The following VPS53 variants were observed in gnomAD, a reference collection of about 807,000 sequenced individuals.
The protein encoded by VPS53 is VPS53 subunit of GARP complex.
VPS53 carries 70 observed loss-of-function variants against 107.0 expected under a neutral mutation model. The observed-to-expected ratio is 0.65, with a 90% CI of 0.54 to 0.80. The LOEUF is 0.80. VPS53 is among the 30% of genes least tolerant of loss of function. The pLI is 0.00. For missense variants in VPS53, 917 were observed against 1,049.4 expected (o/e 0.87, Z 1.74); for synonymous variants, 409 against 393.3 (o/e 1.04, Z -0.47).
intron 7 of VPS53, among the ~76,000 whole-genome samples, chr17:653,072 G>A (rs918831293): frequency 6.6e-6 from 1 of 152,218 alleles, no homozygotes; most frequent in African/African-American, 2.4e-5. Context: ...CGGATCTGCG[G>A]AATCCCCATA....
chr17:680,533 A>C (rs1972351232), intron 4 of VPS53, among the ~76,000 whole-genome samples: 1 of 151,978 alleles, frequency 6.6e-6, no homozygotes, highest in Admixed American at 6.6e-5. Flanking sequence ...ACATGAAAAA[A>C]CCCCTATGAC....
intron 12 of VPS53, among the ~76,000 whole-genome samples, chr17:592,572 T>C (rs1300955207): frequency 6.6e-6 from 1 of 152,200 alleles, no homozygotes; most frequent in African/African-American, 2.4e-5. Context: ...AGGAGCTCTT[T>C]TAGGGCAGGT....
chr17:711,159 G>A (rs1160301444), intron 1 of VPS53, among the ~76,000 whole-genome samples: 3 of 152,100 alleles, frequency 2.0e-5, no homozygotes, highest in East Asian at 1.9e-4. Flanking sequence ...GCAGTGAGCC[G>A]AGATTCTATC....
Position 520,867 on chromosome 17 carries a change from C to A in VPS53, c.2223+734G>T, listed in dbSNP as rs908962741. ...CTCACCTACATGAGCTCTTCACCCT[C>A]ACCTACATGAGCTCTTCACCCTTAC... is the stretch of plus-strand genomic sequence containing the variant. On this transcript the variant is annotated intron_variant, in intron 20 of 21. Transcript: ENST00000437048. This position sits in a 1 kb window ranked among gnomAD's most constrained non-coding sequence, Gnocchi z 4.4. 3.3e-5 allele frequency among the ~76,000 whole-genome samples: 5 copies of A among 150,430 alleles called. No homozygotes were observed. The highest frequency in any genetic ancestry group is 7.4e-5 in the Non-Finnish European group (5 of 67,834).
At chr17:693,495 G>A (rs1044566985) in intron 4 of VPS53, among the ~76,000 whole-genome samples, 1 of 152,190 alleles carries the variant, frequency 6.6e-6, no homozygotes, top group African/African-American at 2.4e-5. Flanking sequence ...CCCAAGGCAG[G>A]AGGATCACTT....
intron 4 of VPS53, among the ~76,000 whole-genome samples, chr17:693,302 T>A (rs1467671586): frequency 6.6e-6 from 1 of 152,226 alleles, no homozygotes; most frequent in Non-Finnish European, 1.5e-5. Flanking sequence ...TTACTGTGCC[T>A]AATTTGCATG....
At chr17:579,466 C>CACAG (rs1053281209) in intron 13 of VPS53, among the ~76,000 whole-genome samples, 2 of 150,944 alleles carry the variant, frequency 1.3e-5, no homozygotes, top group African/African-American at 4.9e-5. Flanking sequence ...AATGCGTTCC[C>CACAG]ACAGAACTTC....
rs1164072296 is a variant in VPS53 at position 517,499 on chromosome 17, T to C, written c.*1629A>G. On this transcript the variant is annotated 3_prime_UTR_variant, in exon 22 of 22. Transcript: ENST00000437048. ...TACTGTACGGCTGTTACAAGTTTTA[T>C]GGATTTTAAGGAAATTTCCTCTATC... 1 of 398,510 alleles carries C rather than the reference T, an allele frequency of 2.5e-6. No individual in the cohort carries two copies. Among genetic ancestry groups the C allele is most frequent in the African/African-American group, 2.1e-5 (1 of 48,626 alleles). The allele number at this position is 398,510 out of a possible 1,614,324, so 24.7% of individuals were successfully genotyped here. A position where few individuals can be genotyped will look rare whatever the true frequency, so the allele number is the denominator to read the frequency against.
intron 11 of VPS53, among the ~76,000 whole-genome samples, chr17:610,004 C>A (rs142921536): frequency 0.053 from 7,986 of 151,552 alleles, 285 homozygotes; most frequent in Middle Eastern, 0.15. Flanking sequence ...TGGTGGCGGG[C>A]GCCTGTAGTC....
intron 11 of VPS53, among the ~76,000 whole-genome samples, chr17:619,193 A>C (rs1319812002): frequency 7.0e-6 from 1 of 142,776 alleles, no homozygotes; most frequent in Non-Finnish European, 1.5e-5. Flanking sequence ...ACGCCTGCTA[A>C]TATTTCCCGG....
chr17:707,992 G>A lies in VPS53; in HGVS notation c.168+2541C>T, dbSNP rs150774708. ...TCAGCCTCATCTCCTGTGAGTCTCT[G>A]CTCACTGTGCACATCTTATGTCTCC... On this transcript the variant is annotated intron_variant, in intron 2 of 21. Coordinates refer to ENST00000437048, the MANE Select transcript of VPS53 (RefSeq NM_001128159.3). Among the ~76,000 whole-genome samples, 249 of 152,300 alleles carry A rather than the reference G, an allele frequency of 1.6e-3. 3 individuals are homozygous for A. The highest frequency in any genetic ancestry group is 5.0e-3 in the African/African-American group (206 of 41,580).
At chr17:562,996 A>G (rs2151853471) in intron 13 of VPS53, among the ~76,000 whole-genome samples, 1 of 152,302 alleles carries the variant, frequency 6.6e-6, no homozygotes, top group South Asian at 2.1e-4. Context: ...ATACTTTTCA[A>G]GGCATTTCAT....
chr17:531,771 TTC>T (rs1398744429), intron 19 of VPS53, among the ~76,000 whole-genome samples: 66 of 112,564 alleles, frequency 5.9e-4, no homozygotes, highest in Non-Finnish European at 9.7e-4. Context: ...CTGGGATTTA[TTC>T]TTTTTTTTTT....
chr17:629,685 C>T (rs990259049), intron 8 of VPS53, among the ~76,000 whole-genome samples: 1 of 151,506 alleles, frequency 6.6e-6, no homozygotes, highest in Admixed American at 6.6e-5. Flanking sequence ...ATGGCATGAA[C>T]TCGGAAGGTG....
rs184671199 is a variant in VPS53, at chr17:575,283, T to C, written c.1313+10987A>G. On this transcript the variant is annotated intron_variant, in intron 13 of 21. Transcript: ENST00000437048. Reference sequence around the variant, plus strand: ...ATACAGTTCCATGTGAAGTTTCTAATTGAAACATTGTCTTACTGTTACGGT... The same window carrying C: ...ATACAGTTCCATGTGAAGTTTCTAACTGAAACATTGTCTTACTGTTACGGT... Among the ~76,000 whole-genome samples the C allele has an allele frequency of 1.1e-3, 160 of 152,354 alleles. 1 individual carries two copies. The highest frequency in any genetic ancestry group is 3.5e-3 in the African/African-American group (146 of 41,578).
intron 12 of VPS53, among the ~76,000 whole-genome samples, chr17:593,715 T>C (rs1265518106): frequency 2.6e-4 from 39 of 152,354 alleles, no homozygotes; most frequent in Non-Finnish European, 2.9e-5. Flanking sequence ...TTGGTGGGAC[T>C]GTAAACTAGT....
chr17:617,694 G>C (rs1290506946), intron 11 of VPS53, among the ~76,000 whole-genome samples: 1 of 149,474 alleles, frequency 6.7e-6, no homozygotes, highest in African/African-American at 2.5e-5. Flanking sequence ...TGGGACTACA[G>C]GCATGCGCCA....
chr17:672,947 C>T (rs925183903), intron 4 of VPS53, among the ~76,000 whole-genome samples: 3 of 151,992 alleles, frequency 2.0e-5, no homozygotes, highest in Non-Finnish European at 4.4e-5. Flanking sequence ...CCCGTCTCTA[C>T]TAAAAATACA....
intron 15 of VPS53, among the ~76,000 whole-genome samples, chr17:559,472 T>C (rs1912743313): frequency 6.6e-6 from 1 of 152,248 alleles, no homozygotes; most frequent in Non-Finnish European, 1.5e-5. Context: ...CGGACTGCTC[T>C]GTGGCTCCAA....
Sources: allele counts gnomAD v4.1 joint callset (sites outside exome capture counted in the v4.1 genomes callset), GRCh38; gene constraint gnomAD v4.1.1; non-coding constraint Gnocchi (gnomAD v3.1); transcripts MANE v1.5; gene names NCBI Gene and HGNC (gene_info 2026-07-23, HGNC 2026-07-21).